The following IARS1 variants were observed in gnomAD, a reference collection of about 807,000 sequenced individuals.
The protein encoded by IARS1 is isoleucine--tRNA ligase, cytoplasmic.
In IARS1, 124 loss-of-function variants were observed where a neutral mutation model predicts 168.2. The observed-to-expected ratio is 0.74, with a 90% CI of 0.64 to 0.86. The LOEUF (loss-of-function observed/expected upper bound fraction) is 0.86, where lower values mean the gene tolerates loss of function less well. Ranked by LOEUF, IARS1 falls within the 40% of genes least tolerant of loss-of-function variation. The pLI, the probability that IARS1 is intolerant of heterozygous loss-of-function variation, is 0.00. For synonymous variants in IARS1, 532 were observed against 529.4 expected (o/e 1.00, Z -0.07); for missense variants, 1,452 against 1,515.8 (o/e 0.96, Z 0.70).
In IARS1 at chr9:92,263,121, T is replaced by C. The variant is rs997470367; in HGVS notation, c.1701-66A>G. 30 of 1,059,298 alleles carry C rather than the reference T, an allele frequency of 2.8e-5. No homozygotes were observed. In the Admixed American group the frequency reaches 3.1e-4, roughly 11 times the overall value. 65.6% of individuals were successfully genotyped at this position (1,059,298 alleles called of 1,614,324 possible). A position where few individuals can be genotyped will look rare whatever the true frequency, so the allele number is the denominator to read the frequency against. On this transcript the variant is annotated intron_variant, in intron 16 of 33. Transcript: ENST00000443024. ...AAGTCCAAGCATAAGAAAGAAACTG[T>C]ATTTATTCATTGAATTTCTATTTTT...
intron 31 of IARS1, among the ~76,000 whole-genome samples, chr9:92,227,755 G>A (rs1484462596): frequency 1.3e-5 from 2 of 151,258 alleles, no homozygotes; most frequent in Non-Finnish European, 2.9e-5. Context: ...GGGCAGAGAC[G>A]CTCCTCACTT....
chr9:92,237,963 G>T (rs954825669), intron 30 of IARS1, among the ~76,000 whole-genome samples: 9 of 151,980 alleles, frequency 5.9e-5, no homozygotes, highest in African/African-American at 2.2e-4. Flanking sequence ...TAGAGTATAG[G>T]AGCGTGATCT....
intron 17 of IARS1, among the ~76,000 whole-genome samples, chr9:92,261,122 A>G (rs1341208025): frequency 2.0e-5 from 3 of 152,144 alleles, no homozygotes; most frequent in Non-Finnish European, 4.4e-5. Flanking sequence ...CAGCCTGTCA[A>G]CATGGTGAAA....
chr9:92,219,839 C>G (rs1362588539), intron 33 of IARS1, among the ~76,000 whole-genome samples: 1 of 149,018 alleles, frequency 6.7e-6, no homozygotes, highest in Non-Finnish European at 1.5e-5. Flanking sequence ...ACTAGTTCAA[C>G]CATTGTGGAA....
At chr9:92,274,612 G>T in intron 9 of IARS1, 91 bp from the exon 10 acceptor site, 1 of 799,878 alleles carries the variant, frequency 1.3e-6, no homozygotes, top group Non-Finnish European at 2.1e-6. Context: ...ACCTGAAAAT[G>T]CTTTTAACCG....
intron 19 of IARS1, among the ~76,000 whole-genome samples, chr9:92,258,306 G>A (rs1452627421): frequency 2.0e-5 from 3 of 152,198 alleles, no homozygotes; most frequent in South Asian, 2.1e-4. Context: ...AGAACTGGCT[G>A]ACGAAGCTGG....
intron 32 of IARS1, 33 bp from the exon 33 acceptor site, chr9:92,222,705 C>T (rs777771194): frequency 5.2e-5 from 83 of 1,610,626 alleles, no homozygotes; most frequent in South Asian, 1.4e-4. Flanking sequence ...GATTAAATCT[C>T]GAGAGTTCAC....
At chr9:92,223,291 A>G in intron 32 of IARS1, 55 bp downstream of exon 32, 2 of 1,498,186 alleles carry the variant, frequency 1.3e-6, no homozygotes, top group Non-Finnish European at 1.8e-6. Flanking sequence ...TGAATATTAA[A>G]GACAACTTCA....
intron 9 of IARS1, among the ~76,000 whole-genome samples, chr9:92,275,907 T>C (rs1833715459): frequency 6.6e-6 from 1 of 152,334 alleles, no homozygotes; most frequent in African/African-American, 2.4e-5. Flanking sequence ...AATGAGTAGG[T>C]GTTATTCAAC....
chr9:92,235,608 C>T (rs865887858), intron 30 of IARS1, among the ~76,000 whole-genome samples: 3 of 150,754 alleles, frequency 2.0e-5, no homozygotes, highest in Middle Eastern at 6.9e-3. Context: ...ACCTCTGCCT[C>T]CCAGGTTCAA....
chr9:92,279,735 T>C (rs1457317451), intron 7 of IARS1, among the ~76,000 whole-genome samples: 1 of 152,228 alleles, frequency 6.6e-6, no homozygotes, highest in Non-Finnish European at 1.5e-5. Flanking sequence ...ATTACCATTA[T>C]CAATACCCTA....
At chr9:92,289,552 C>T (rs1835990400) in intron 1 of IARS1, 126 bp from the exon 2 acceptor site, 1 of 623,932 alleles carries the variant, frequency 1.6e-6, no homozygotes. Flanking sequence ...TATTGATGTA[C>T]AATTTACATA....
chr9:92,259,899 T>C (rs559813908), intron 18 of IARS1, among the ~76,000 whole-genome samples: 6 of 152,132 alleles, frequency 3.9e-5, no homozygotes, highest in Admixed American at 2.6e-4. Context: ...GGGGAGGACT[T>C]GGACAGCTCA....
chr9:92,252,298 C>A, intron 21 of IARS1: 1 of 452,846 alleles, frequency 2.2e-6, no homozygotes, highest in South Asian at 1.6e-5. Context: ...AAAAAAATAC[C>A]AATTCATTGA....
At chr9:92,274,945 A>T (rs1229432133) in intron 9 of IARS1, among the ~76,000 whole-genome samples, 1 of 152,326 alleles carries the variant, frequency 6.6e-6, no homozygotes, top group South Asian at 2.1e-4. Flanking sequence ...CAAGTTATTC[A>T]GTCATAAAGG....
chr9:92,257,674 G>T (rs1057191124), intron 19 of IARS1, among the ~76,000 whole-genome samples: 2 of 152,218 alleles, frequency 1.3e-5, no homozygotes, highest in Admixed American at 6.5e-5. Flanking sequence ...AACAACCAGA[G>T]CCCAAGGGGA....
chr9:92,293,562 G>A, intron 1 of IARS1, 49 bp downstream of exon 1: 1 of 471,950 alleles, frequency 2.1e-6, no homozygotes, highest in Middle Eastern at 3.6e-4. Flanking sequence ...TAACGCGTGC[G>A]TGACCCTCGT....
At chr9:92,237,086 C>A (rs1438670586) in intron 30 of IARS1, among the ~76,000 whole-genome samples, 1 of 151,990 alleles carries the variant, frequency 6.6e-6, no homozygotes, top group Admixed American at 6.6e-5. Context: ...TTTCCTTCTT[C>A]TTACTTTGCA....
chr9:92,243,426 C>T (rs1305074344), intron 27 of IARS1, 115 bp from the exon 28 acceptor site: 3 of 635,612 alleles, frequency 4.7e-6, no homozygotes, highest in Non-Finnish European at 8.4e-6. Flanking sequence ...TATTTTTTCA[C>T]ACAAATGAGC....
Sources: gnomAD v4.1 joint callset for allele counts (sites outside exome capture counted in the v4.1 genomes callset) on GRCh38, gnomAD v4.1.1 for gene constraint, MANE v1.5 for transcripts, NCBI Gene and HGNC (gene_info 2026-07-23, HGNC 2026-07-21) for gene names.